ZBTB7A: variants seen among roughly 807,000 people sequenced by gnomAD.
ZBTB7A encodes the protein zinc finger and BTB domain-containing protein 7A.
Under a neutral mutation model 26.7 loss-of-function variants are expected in ZBTB7A, and 7 were observed. The ratio of observed to expected loss-of-function variants is 0.26; its 90% confidence interval spans 0.15 to 0.49. The LOEUF (loss-of-function observed/expected upper bound fraction) is 0.49. ZBTB7A is among the 20% of genes least tolerant of loss of function. The pLI is 0.98. For missense variants in ZBTB7A, 617 were observed against 919.5 expected (o/e 0.67, Z 4.25); for synonymous variants, 452 against 441.0 (o/e 1.02, Z -0.31).
Position 4,048,082 on chromosome 19 carries a change from G to A in ZBTB7A, c.1425C>T (p.Phe475=), listed in dbSNP as rs1221144394. The A allele has an allele frequency of 1.9e-6, 3 of 1,608,370 alleles. No homozygotes were observed. The highest frequency in any genetic ancestry group is 2.5e-6 in the Non-Finnish European group (3 of 1,178,146). ...PYQCDSCCKT[F]VRSDHLHRHL... The stretch of plus-strand genomic sequence containing the variant: ...GTCTGTGCAGGTGGTCGGAGCGGAC[G>A]AAGGTCTTGCAGCAGCTGTCGCACT... The change falls in exon 3 of 3, where the codon TTC becomes TTT. Residue 475 remains phenylalanine (F), a synonymous_variant. Coordinates refer to ENST00000322357, the MANE Select transcript of ZBTB7A (RefSeq NM_015898.4). This position sits in a 1 kb window ranked among gnomAD's most constrained non-coding sequence, Gnocchi z 6.7.
In ZBTB7A at chr19:4,045,416, G is replaced by A. The variant is rs993254108; in HGVS notation, c.*2336C>T. 4 of 151,838 alleles carry A rather than the reference G, an allele frequency of 2.6e-5. No individual in the cohort carries two copies. The highest frequency in any genetic ancestry group is 2.6e-4 in the Admixed American group (4 of 15,254). 9.4% of individuals were successfully genotyped at this position (151,838 alleles called of 1,614,324 possible). A position where few individuals can be genotyped will look rare whatever the true frequency, so the allele number is the denominator to read the frequency against. ...TGACACTGGGGTGTGAACGCAGCCG[G>A]GGTGCTGTCACCCAGCCCCAGGGGA... is the stretch of plus-strand genomic sequence containing the variant. On this transcript the variant is annotated 3_prime_UTR_variant, in exon 3 of 3. Transcript: ENST00000322357. This position sits in a 1 kb window ranked among gnomAD's most constrained non-coding sequence, Gnocchi z 4.1.
chr19:4,054,012 C>T lies in ZBTB7A; in HGVS notation c.1221G>A (p.Glu407=). The stretch of plus-strand genomic sequence containing the variant: ...TGCAGATGTTGCACTCGTAGGGCTT[C>T]TCGCCCGTGTGGGTGCGGATGTGTC... ...LPRHIRTHTG[E]KPYECNICKV... is the part of the protein sequence containing the mutation. The change falls in exon 2 of 3, where the codon GAG becomes GAA. Residue 407 remains glutamate, a synonymous_variant. Transcript: ENST00000322357. 1 of 1,610,926 alleles carries T rather than the reference C, an allele frequency of 6.2e-7. No homozygotes were observed. The highest frequency in any genetic ancestry group is 8.5e-7 in the Non-Finnish European group (1 of 1,179,480).
rs1290897791 is a variant in ZBTB7A, at chr19:4,054,345, G to A, written c.888C>T (p.Phe296=). 5 of 1,494,186 alleles carry A rather than the reference G, an allele frequency of 3.3e-6. No homozygotes were observed. The African/African-American group carries it at 7.3e-5, about 22-fold the overall frequency. The allele number at this position is 1,494,186 out of a possible 1,614,324, so 92.6% of individuals were successfully genotyped here. Residue 296 remains phenylalanine (F), a synonymous_variant, in exon 2 of 3, where the codon TTC becomes TTT. Coordinates refer to ENST00000322357, the MANE Select transcript of ZBTB7A (RefSeq NM_015898.4). ...CCTCGCCCTCGGCCGCTCCCGACAG[G>A]AAGCCCGGAGAGTCGCCCGGCTCGG... ...AAPEPGDSPG[F]LSGAAEGEDG...
intron 1 of ZBTB7A, among the ~76,000 whole-genome samples, chr19:4,056,723 T>G (rs749351173): frequency 6.6e-6 from 1 of 151,874 alleles, no homozygotes; most frequent in Non-Finnish European, 1.5e-5. Flanking sequence ...CAAAAATAGA[T>G]GGGCGTGATG....
At position 4,054,309 on chromosome 19, in the gene ZBTB7A, C is replaced by A; in HGVS notation, c.924G>T (p.Gly308=). The A allele has an allele frequency of 1.3e-6, 2 of 1,527,998 alleles. No homozygotes were observed. Among genetic ancestry groups the A allele is most frequent in the Admixed American group, 2.0e-5 (1 of 48,970 alleles). The allele number at this position is 1,527,998 out of a possible 1,614,324, so 94.7% of individuals were successfully genotyped here. ...SGAAEGEDGD[G]PDVDGLAAST... is the part of the protein sequence containing the mutation. Reference sequence around the variant, plus strand: ...TGGCCGCCAGCCCGTCCACGTCGGGCCCGTCCCCGTCCTCGCCCTCGGCCG... The same window carrying A: ...TGGCCGCCAGCCCGTCCACGTCGGGACCGTCCCCGTCCTCGCCCTCGGCCG... The change falls in exon 2 of 3, where the codon GGG becomes GGT. Residue 308 remains glycine, a synonymous_variant. Coordinates refer to ENST00000322357, the MANE Select transcript of ZBTB7A (RefSeq NM_015898.4).
In ZBTB7A at chr19:4,054,150, G is replaced by A. The variant is rs372236318; in HGVS notation, c.1083C>T (p.Asp361=). Residue 361 remains aspartate, a synonymous_variant, in exon 2 of 3, where the codon GAC becomes GAT. Transcript: ENST00000322357. ...YYLKYFSGAH[D]GDVYPAWSQK... ...GCGACCAGGCCGGGTAGACGTCGCC[G>A]TCGTGGGCGCCGCTGAAGTACTTCA... 3 of 1,603,258 alleles carry A rather than the reference G, an allele frequency of 1.9e-6. No individual in the cohort carries two copies. The highest frequency in any genetic ancestry group is 2.7e-5 in the African/African-American group (2 of 74,912).
In ZBTB7A at chr19:4,054,855, G is replaced by C; in HGVS notation, c.378C>G (p.Leu126=). The C allele has an allele frequency of 3.1e-6, 5 of 1,608,732 alleles. No homozygotes were observed. Among genetic ancestry groups the C allele is most frequent in the Non-Finnish European group, 4.2e-6 (5 of 1,177,494 alleles). ...IPAVSHVCAD[L]LDRQILAADA... is the part of the protein sequence containing the mutation. ...CGGCCGCCAGGATCTGCCGGTCCAG[G>C]AGGTCGGCGCACACGTGGCTCACGG... is the stretch of plus-strand genomic sequence containing the variant. Residue 126 remains leucine (L), a synonymous_variant, in exon 2 of 3, where the codon CTC becomes CTG. Transcript: ENST00000322357.
rs2040513027 is a variant in ZBTB7A at position 4,052,374 on chromosome 19, C to T, written c.1262+1597G>A. Among the ~76,000 whole-genome samples, 1 of 152,198 alleles carries T rather than the reference C, an allele frequency of 6.6e-6. No homozygotes were observed. Among genetic ancestry groups the T allele is most frequent in the South Asian group, 2.1e-4 (1 of 4,834 alleles). On this transcript the variant is annotated intron_variant, in intron 2 of 2. Transcript: ENST00000322357. This position sits in a 1 kb window ranked among gnomAD's most constrained non-coding sequence, Gnocchi z 4.9. Reference sequence around the variant, plus strand: ...CCCCCCAAGACCTCCAGTACCCCAACCTCACCAAGGAGGGACAAACCACCA... The same window carrying T: ...CCCCCCAAGACCTCCAGTACCCCAATCTCACCAAGGAGGGACAAACCACCA...
rs1265135281 is a variant in ZBTB7A at position 4,050,321 on chromosome 19, A to G, written c.1263-2077T>C. Among the ~76,000 whole-genome samples the G allele has an allele frequency of 5.3e-5, 8 of 152,132 alleles. No individual in the cohort carries two copies. The East Asian group carries it at 1.5e-3, about 29-fold the overall frequency. ...AGTGATCCGCCTGCCTCGGCCTCCCAAAGTGCTGGGATTACAGGCGTGAGC... is the reference window on the plus strand; with the variant it reads ...AGTGATCCGCCTGCCTCGGCCTCCCGAAGTGCTGGGATTACAGGCGTGAGC... On this transcript the variant is annotated intron_variant, in intron 2 of 2. Transcript: ENST00000322357.
In ZBTB7A at chr19:4,054,659, C is replaced by T. The variant is rs764623096; in HGVS notation, c.574G>A (p.Asp192Asn). 8.8e-6 allele frequency: 14 copies of T among 1,597,968 alleles called. No homozygotes were observed. The highest frequency in any genetic ancestry group is 2.2e-5 in the South Asian group (2 of 89,232). Residue 192 changes from aspartate to asparagine, a missense_variant, in exon 2 of 3, where the codon GAT (aspartate) becomes AAT (asparagine). Physicochemically the swap from Asp to Asn is conservative, Grantham distance 23. This residue lies in a region of ZBTB7A where 331 missense variants were observed against 391.3 expected (regional missense o/e 0.85). Coordinates refer to ENST00000322357, the MANE Select transcript of ZBTB7A (RefSeq NM_015898.4). ...TCCTTGGTGGCATCCAGGTCATCATCGGACGCCCCAAAGGCGGACCACGGG... is the reference window on the plus strand; with the variant it reads ...TCCTTGGTGGCATCCAGGTCATCATTGGACGCCCCAAAGGCGGACCACGGG... The part of the protein sequence containing the change: ...SFPWSAFGAS[D>N]DDLDATKEAV...
At position 4,052,820 on chromosome 19, in the gene ZBTB7A, G is replaced by A. The variant is rs561543622; in HGVS notation, c.1262+1151C>T. Among the ~76,000 whole-genome samples the A allele has an allele frequency of 7.2e-5, 11 of 152,292 alleles. No homozygotes were observed. In the East Asian group the frequency reaches 1.2e-3, roughly 16 times the overall value. Reference sequence around the variant, plus strand: ...AGGGACCAAGTCCTGTGGCTCCCAGGGGGGCACAGTGATCTCTCAAGCTGA... The same window carrying A: ...AGGGACCAAGTCCTGTGGCTCCCAGAGGGGCACAGTGATCTCTCAAGCTGA... On this transcript the variant is annotated intron_variant, in intron 2 of 2. Transcript: ENST00000322357. This position sits in a 1 kb window ranked among gnomAD's most constrained non-coding sequence, Gnocchi z 4.9.
At chr19:4,064,003 AAAAC>A (rs368586825) in intron 1 of ZBTB7A, among the ~76,000 whole-genome samples, 61 of 152,366 alleles carry the variant, frequency 4.0e-4, no homozygotes, top group South Asian at 1.2e-3. Context: ...AGAAAAGGAA[AAAAC>A]AAACAAACAA....
intron 2 of ZBTB7A, among the ~76,000 whole-genome samples, chr19:4,050,869 C>T (rs141236533): frequency 2.6e-5 from 4 of 152,012 alleles, no homozygotes; most frequent in Non-Finnish European, 4.4e-5. Flanking sequence ...GAGGCTAAGG[C>T]GGGCAGATCA....
rs554225977 is a variant in ZBTB7A at position 4,061,045 on chromosome 19, G to A, written c.-16+5637C>T. On this transcript the variant is annotated intron_variant, in intron 1 of 2. Transcript: ENST00000322357. ...CTCTGTCTCCTGGGGGATGGGGGTC[G>A]TAACAGTGGAAAGGGGCCCCCCACT... Among the ~76,000 whole-genome samples, 18 of 152,288 alleles carry A rather than the reference G, an allele frequency of 1.2e-4. 1 individual carries two copies. The South Asian group carries it at 1.9e-3, about 16-fold the overall frequency.
In ZBTB7A at chr19:4,053,568, T is replaced by C. The variant is rs375541946; in HGVS notation, c.1262+403A>G. 8.3e-3 allele frequency among the ~76,000 whole-genome samples: 1,251 copies of C among 149,996 alleles called. 18 individuals carry two copies. Among genetic ancestry groups the C allele is most frequent in the African/African-American group, 0.029 (1,167 of 40,562 alleles). ...GATGTGTATGTGGTGTGCGTGTGTG[T>C]GCGCGCATGTCGGTGTGCGTGTGTG... is the stretch of plus-strand genomic sequence containing the variant. On this transcript the variant is annotated intron_variant, in intron 2 of 2. Transcript: ENST00000322357.
intron 1 of ZBTB7A, chr19:4,065,548 C>G (rs2040687035): frequency 6.9e-6 from 1 of 145,268 alleles, no homozygotes; most frequent in Non-Finnish European, 1.5e-5. Context: ...CCCCGCGCCA[C>G]CCCCCGCCGC....
At position 4,047,491 on chromosome 19, in the gene ZBTB7A, G is replaced by A. The variant is rs1046946892; in HGVS notation, c.*261C>T. On this transcript the variant is annotated 3_prime_UTR_variant, in exon 3 of 3. Coordinates refer to ENST00000322357, the MANE Select transcript of ZBTB7A (RefSeq NM_015898.4). ...ACCAAGCCCCGAAACCCAGCGATGG[G>A]GTGGTGGGGGGAAGGGGAGCCAGGG... The A allele has an allele frequency of 5.4e-5, 12 of 221,156 alleles. No individual in the cohort carries two copies. In the East Asian group the frequency reaches 8.5e-4, roughly 16 times the overall value. 13.7% of individuals were successfully genotyped at this position (221,156 alleles called of 1,614,324 possible). A position where few individuals can be genotyped will look rare whatever the true frequency, so the allele number is the denominator to read the frequency against.
At position 4,054,744 on chromosome 19, in the gene ZBTB7A, G is replaced by T; in HGVS notation, c.489C>A (p.Phe163Leu). ...GGCTGTTCATGGGGTTGCTCTGGAA[G>T]AACTCGAGGTACTCCTTGGCGCGGA... The part of the protein sequence containing the change: ...NLLRAKEYLE[F>L]FQSNPMNSLP... The change falls in exon 2 of 3, where the codon TTC (phenylalanine) becomes TTA (leucine). Residue 163 changes from phenylalanine (F) to leucine (L), a missense_variant. Phe to Leu is a conservative substitution (Grantham distance 22, BLOSUM62 0). This residue lies in a region of ZBTB7A where 331 missense variants were observed against 391.3 expected (regional missense o/e 0.85). Transcript: ENST00000322357. The T allele has an allele frequency of 6.4e-7, 1 of 1,569,654 alleles. No individual in the cohort carries two copies. Among genetic ancestry groups the T allele is most frequent in the Non-Finnish European group, 8.6e-7 (1 of 1,156,994 alleles).
At position 4,062,444 on chromosome 19, in the gene ZBTB7A, G is replaced by A. The variant is rs372466870; in HGVS notation, c.-16+4238C>T. On this transcript the variant is annotated intron_variant, in intron 1 of 2. Transcript: ENST00000322357. ...CACGGTACGTGACGGCACCCACAGC[G>A]CTGGAAGGCAGGATCTGTGTCTGTG... is the stretch of plus-strand genomic sequence containing the variant. Among the ~76,000 whole-genome samples the A allele has an allele frequency of 3.3e-5, 5 of 152,336 alleles. No individual in the cohort carries two copies. The East Asian group carries it at 5.8e-4, about 18-fold the overall frequency.
Sources: gnomAD v4.1 joint callset for allele counts (sites outside exome capture counted in the v4.1 genomes callset) on GRCh38, gnomAD v4.1.1 for gene constraint, gnomAD v4.1.1 regional missense constraint, Gnocchi (gnomAD v3.1) non-coding constraint, MANE v1.5 for transcripts, NCBI Gene and HGNC (gene_info 2026-07-23, HGNC 2026-07-21) for gene names.